The following ATP6V0A2 variants were observed in gnomAD, a reference collection of about 807,000 sequenced individuals.
ATP6V0A2 encodes the protein V-type proton ATPase 116 kDa subunit a 2.
In ATP6V0A2, 58 loss-of-function variants were observed where a neutral mutation model predicts 104.4. The observed-to-expected ratio is 0.56, with a 90% confidence interval of 0.45 to 0.69. ATP6V0A2 has a LOEUF of 0.69. ATP6V0A2 is among the 30% of genes least tolerant of loss of function. The pLI, the probability that ATP6V0A2 is intolerant of heterozygous loss-of-function variation, is 0.00. For synonymous variants in ATP6V0A2, 376 were observed against 397.9 expected, an observed-to-expected ratio of 0.95 and a Z score of 0.65; for missense variants, 938 against 1,062.9, an observed-to-expected ratio of 0.88 and a Z score of 1.63.
rs75644082 is a variant in ATP6V0A2 at position 123,736,185 on chromosome 12, CTTTTTTTTTTTTTTT to C, written c.825+569_825+583del. Among the ~76,000 whole-genome samples the C allele has an allele frequency of 7.6e-4, 62 of 81,900 alleles. No individual in the cohort carries two copies. The East Asian group carries it at 0.025, about 33-fold the overall frequency. The allele number at this position is 81,900 out of a possible 152,430, so 53.7% of individuals were successfully genotyped here. A position where few individuals can be genotyped will look rare whatever the true frequency, so the allele number is the denominator to read the frequency against. ...ACCATGCTCAGCCTGGATTGTGATT[CTTTTTTTTTTTTTTT>C]TTTTTTTGAGGTGGAATCATGCTCT... On this transcript the variant is annotated intron_variant, in intron 8 of 19. Transcript: ENST00000330342.
At chr12:123,722,569 C>T (rs1212359265) in intron 3 of ATP6V0A2, 121 bp downstream of exon 3, 3 of 711,816 alleles carry the variant, frequency 4.2e-6, no homozygotes, top group Non-Finnish European at 7.7e-6. Context: ...ATGGTGATCT[C>T]TCTAGGCAGA....
At position 123,712,449 on chromosome 12, in the gene ATP6V0A2, C is replaced by T. The variant is rs532360215; in HGVS notation, c.-117C>T. ...AGTCTGGAGCCCCATAGTGCGGGGC[C>T]GCGGCCAGGCCACAGGAAGAGCTCG... On this transcript the variant is annotated 5_prime_UTR_variant, in exon 1 of 20. Coordinates refer to ENST00000330342, the MANE Select transcript of ATP6V0A2 (RefSeq NM_012463.4). 1,873 of 582,852 alleles carry T rather than the reference C, an allele frequency of 3.2e-3. 14 individuals carry two copies. The highest frequency in any genetic ancestry group is 4.7e-3 in the Admixed American group (107 of 22,828). The allele number at this position is 582,852 out of a possible 1,614,324, so 36.1% of individuals were successfully genotyped here.
chr12:123,730,518 T>G (rs1956492379), intron 6 of ATP6V0A2: 1 of 152,236 alleles, frequency 6.6e-6, no homozygotes, highest in Non-Finnish European at 1.5e-5. Flanking sequence ...AAGCCCTTCA[T>G]TAACCACTCA....
chr12:123,712,809 G>T, intron 1 of ATP6V0A2, 127 bp downstream of exon 1: 5 of 853,568 alleles, frequency 5.9e-6, no homozygotes, highest in Non-Finnish European at 9.5e-6. Context: ...TCCAGACGGG[G>T]AAGATGACAC....
Position 123,747,757 on chromosome 12 carries a change from A to G in ATP6V0A2, c.1724+32A>G, listed in dbSNP as rs201264917. The G allele has an allele frequency of 3.0e-4, 431 of 1,435,160 alleles. 2 individuals are homozygous for G. The South Asian group carries it at 3.4e-3, about 11-fold the overall frequency. The allele number at this position is 1,435,160 out of a possible 1,614,324, so 88.9% of individuals were successfully genotyped here. On this transcript the variant is annotated intron_variant, in intron 14 of 19. Coordinates refer to ENST00000330342, the MANE Select transcript of ATP6V0A2 (RefSeq NM_012463.4). ...ACAGATTTTTTTTTAAGCAATATTT[A>G]TAAACCAAACTTGGCATTTCTTCAA...
chr12:123,736,185 CTT>C lies in ATP6V0A2; in HGVS notation c.825+582_825+583del, dbSNP rs75644082. On this transcript the variant is annotated intron_variant, in intron 8 of 19. Coordinates refer to ENST00000330342, the MANE Select transcript of ATP6V0A2 (RefSeq NM_012463.4). The stretch of plus-strand genomic sequence containing the variant: ...ACCATGCTCAGCCTGGATTGTGATT[CTT>C]TTTTTTTTTTTTTTTTTTTTGAGGT... Among the ~76,000 whole-genome samples the C allele has an allele frequency of 1.1e-3, 87 of 81,892 alleles. 2 individuals are homozygous for C. The highest frequency in any genetic ancestry group is 2.3e-3 in the East Asian group (5 of 2,140). The allele number at this position is 81,892 out of a possible 152,430, so 53.7% of individuals were successfully genotyped here.
chr12:123,724,744 A>G lies in ATP6V0A2; in HGVS notation c.385A>G (p.Thr129Ala), dbSNP rs752200097. The G allele has an allele frequency of 7.4e-6, 12 of 1,613,610 alleles. No individual in the cohort carries two copies. In the Admixed American group the frequency reaches 1.2e-4, roughly 16 times the overall value. The change falls in exon 4 of 20, where the codon ACT becomes GCT. Residue 129 changes from threonine to alanine, a missense_variant. Physicochemically the swap from Thr to Ala is moderately conservative, Grantham distance 58. Transcript: ENST00000330342. ...RKNLLELIEY[T>A]HMLRVTKTFV... ...AAACTTGCTGGAACTGATAGAGTACACTCACATGCTGAGAGTGACAAAGAC... is the reference window on the plus strand; with the variant it reads ...AAACTTGCTGGAACTGATAGAGTACGCTCACATGCTGAGAGTGACAAAGAC...
At chr12:123,726,872 A>T (rs1262554070) in intron 5 of ATP6V0A2, among the ~76,000 whole-genome samples, 1 of 152,166 alleles carries the variant, frequency 6.6e-6, no homozygotes, top group African/African-American at 2.4e-5. Context: ...GGAATCATTT[A>T]TATTTTTCTC....
chr12:123,719,319 C>A (rs1464838808), intron 2 of ATP6V0A2, among the ~76,000 whole-genome samples: 1 of 151,852 alleles, frequency 6.6e-6, no homozygotes, highest in African/African-American at 2.4e-5. Context: ...TAGTCATTAT[C>A]AAATCAAGCC....
At chr12:123,737,628 CTT>C (rs988129466) in intron 9 of ATP6V0A2, 2 of 314,912 alleles carry the variant, frequency 6.4e-6, no homozygotes, top group African/African-American at 4.3e-5. Flanking sequence ...TTAAATTGCT[CTT>C]TTGAGTAATT....
intron 1 of ATP6V0A2, among the ~76,000 whole-genome samples, chr12:123,714,042 G>A (rs189946495): frequency 2.1e-3 from 322 of 152,286 alleles, no homozygotes; most frequent in Non-Finnish European, 4.0e-3. Flanking sequence ...GCTGAGCTGT[G>A]AATAGCACCC....
At chr12:123,749,131 A>T (rs1046480640) in intron 15 of ATP6V0A2, among the ~76,000 whole-genome samples, 1 of 152,162 alleles carries the variant, frequency 6.6e-6, no homozygotes, top group Non-Finnish European at 1.5e-5. Context: ...CTCTACAAAA[A>T]ACACAAAAAT....
intron 14 of ATP6V0A2, among the ~76,000 whole-genome samples, chr12:123,748,057 G>A (rs922599412): frequency 6.6e-6 from 1 of 151,968 alleles, no homozygotes; most frequent in African/African-American, 2.4e-5. Context: ...TTCCAGAAGG[G>A]GTGCTTGCCA....
intron 5 of ATP6V0A2, 89 bp from the exon 6 acceptor site, chr12:123,727,694 G>C (rs977894303): frequency 3.2e-5 from 49 of 1,524,664 alleles, no homozygotes; most frequent in Non-Finnish European, 4.3e-5. Context: ...TTCACCACTT[G>C]GTAGAAATGA....
intron 13 of ATP6V0A2, among the ~76,000 whole-genome samples, chr12:123,745,231 C>T (rs1458115648): frequency 6.6e-6 from 1 of 152,192 alleles, no homozygotes; most frequent in African/African-American, 2.4e-5. Context: ...ACCTATTTTC[C>T]TCTGGCTGAA....
At chr12:123,741,390 T>TA (rs74412593) in intron 9 of ATP6V0A2, among the ~76,000 whole-genome samples, 13 of 147,302 alleles carry the variant, frequency 8.8e-5, no homozygotes, top group Middle Eastern at 3.5e-3. Context: ...GGCGGAGGTT[T>TA]AAAAAAAAAA....
At chr12:123,742,082 A>C (rs111809083) in intron 9 of ATP6V0A2, among the ~76,000 whole-genome samples, 109 of 152,254 alleles carry the variant, frequency 7.2e-4, no homozygotes, top group Middle Eastern at 3.4e-3. Context: ...TCAACAGGGG[A>C]GGACCTGGCA....
intron 15 of ATP6V0A2, 93 bp from the exon 16 acceptor site, chr12:123,751,017 A>G (rs2135917095): frequency 5.2e-6 from 8 of 1,551,970 alleles, no homozygotes; most frequent in East Asian, 4.5e-5. Context: ...GCGTGGAGAC[A>G]TTGTTCGATC....
chr12:123,735,142 C>CGCGTGT (rs1555297419), intron 7 of ATP6V0A2, among the ~76,000 whole-genome samples: 1 of 148,392 alleles, frequency 6.7e-6, no homozygotes, highest in African/African-American at 2.5e-5. Flanking sequence ...CTTTTGTTTT[C>CGCGTGT]GTGTGTGTGT....
Sources: allele counts gnomAD v4.1 joint callset (sites outside exome capture counted in the v4.1 genomes callset), GRCh38; gene constraint gnomAD v4.1.1; transcripts MANE v1.5; gene names NCBI Gene and HGNC (gene_info 2026-07-23, HGNC 2026-07-21).